The following PCSK9 variants were observed in gnomAD, a reference collection of about 807,000 sequenced individuals.
PCSK9 encodes the protein convertase subtilisin/kexin type 9 preproprotein.
A neutral mutation model predicts 62.1 loss-of-function variants in PCSK9; 57 were observed. That is an observed-to-expected ratio of 0.92 (90% CI 0.74 to 1.14). PCSK9 has a LOEUF of 1.14. PCSK9 is among the 50% of genes most tolerant of loss of function. The probability of loss-of-function intolerance (pLI) is 0.00; values close to 1 mark genes in which losing one functional copy is unlikely to be tolerated. For missense variants in PCSK9, 870 were observed against 959.8 expected (o/e 0.91, Z 1.24); for synonymous variants, 387 against 409.4 (o/e 0.95, Z 0.66).
chr1:55,057,067 T>TG (rs201301220), intron 6 of PCSK9, among the ~76,000 whole-genome samples: 2 of 41,190 alleles, frequency 4.9e-5, no homozygotes, highest in African/African-American at 1.6e-4. Context: ...CCGAATAGTT[T>TG]CCTATCTCCC....
Position 55,064,495 on chromosome 1 carries a change from G to GT in PCSK9, c.*912dup, listed in dbSNP as rs1644786788. On this transcript the variant is annotated 3_prime_UTR_variant, in exon 12 of 12. Transcript: ENST00000302118. Reference sequence around the variant, plus strand: ...CCGGCTGGGCTCCTCATTTTTACGGGTAACAGTGAGGCTGGGAAGGGGAAC... The same window carrying GT: ...CCGGCTGGGCTCCTCATTTTTACGGGTTAACAGTGAGGCTGGGAAGGGGAAC... The GT allele has an allele frequency of 6.6e-6, 1 of 152,274 alleles. No homozygotes were observed. The highest frequency in any genetic ancestry group is 2.4e-5 in the African/African-American group (1 of 41,456). The allele number at this position is 152,274 out of a possible 1,614,324, so 9.4% of individuals were successfully genotyped here.
chr1:55,054,534 C>A (rs900114283), intron 5 of PCSK9, among the ~76,000 whole-genome samples: 3 of 152,218 alleles, frequency 2.0e-5, no homozygotes, highest in Non-Finnish European at 4.4e-5. Flanking sequence ...CCAGCTCCAT[C>A]CTTGGCCACG....
chr1:55,039,551 G>T lies in PCSK9; in HGVS notation c.-287G>T, dbSNP rs72658888. ...CCACACCCTAGAAGGTTTCCGCAGCGACGTCGAGGCGCTCATGGTTGCAGG... is the reference window on the plus strand; with the variant it reads ...CCACACCCTAGAAGGTTTCCGCAGCTACGTCGAGGCGCTCATGGTTGCAGG... On this transcript the variant is annotated 5_prime_UTR_variant, in exon 1 of 12. Transcript: ENST00000302118. 2 of 546,346 alleles carry T rather than the reference G, an allele frequency of 3.7e-6. No individual in the cohort carries two copies. The highest frequency in any genetic ancestry group is 4.4e-5 in the South Asian group (2 of 45,814). The allele number at this position is 546,346 out of a possible 1,614,324, so 33.8% of individuals were successfully genotyped here.
Position 55,046,382 on chromosome 1 carries a change from G to A in PCSK9, c.400-141G>A, listed in dbSNP as rs576552402. 1.8e-5 allele frequency: 23 copies of A among 1,291,962 alleles called. No homozygotes were observed. The East Asian group carries it at 3.9e-4, about 22-fold the overall frequency. 80.0% of individuals were successfully genotyped at this position (1,291,962 alleles called of 1,614,324 possible). ...AACTCAGGCTCCTAGTCTGTCCTCC[G>A]GGGCACTAGCAGGGACAAGGTGGGA... On this transcript the variant is annotated intron_variant, in intron 2 of 11. Coordinates refer to ENST00000302118, the MANE Select transcript of PCSK9 (RefSeq NM_174936.4).
chr1:55,056,457 C>T (rs1384900968), intron 6 of PCSK9, among the ~76,000 whole-genome samples: 1 of 152,174 alleles, frequency 6.6e-6, no homozygotes, highest in Non-Finnish European at 1.5e-5. Flanking sequence ...CCTACGTAGC[C>T]ACGCCCCCAC....
intron 10 of PCSK9, among the ~76,000 whole-genome samples, chr1:55,060,287 A>G (rs1319733157): frequency 6.6e-6 from 1 of 152,220 alleles, no homozygotes; most frequent in Non-Finnish European, 1.5e-5. Flanking sequence ...CTCTTGGGGC[A>G]TCAAGGGATG....
chr1:55,044,070 A>T, intron 2 of PCSK9, 36 bp downstream of exon 2: 1 of 1,609,586 alleles, frequency 6.2e-7, no homozygotes, highest in South Asian at 1.1e-5. Context: ...ACTTCCTGAT[A>T]GGGCTGGGCC....
intron 5 of PCSK9, 104 bp downstream of exon 5, chr1:55,052,895 T>C (rs774131641): frequency 2.1e-4 from 320 of 1,560,260 alleles, no homozygotes; most frequent in Middle Eastern, 8.0e-4. Context: ...CCAAGAATGC[T>C]GTGGCAGCCT....
At chr1:55,056,253 G>A in intron 6 of PCSK9, 64 bp downstream of exon 6, 1 of 1,039,596 alleles carries the variant, frequency 9.6e-7, no homozygotes, top group Non-Finnish European at 1.3e-6. Context: ...GCGGAGGGAG[G>A]GCGGGCGGGC....
chr1:55,057,153 C>T (rs538886648), intron 6 of PCSK9, among the ~76,000 whole-genome samples, 178 bp from the exon 7 acceptor site: 25 of 152,304 alleles, frequency 1.6e-4, no homozygotes, highest in South Asian at 2.1e-4. Flanking sequence ...AGCACCAGGG[C>T]GGGGCAGGGG....
chr1:55,059,343 G>C (rs952001276), intron 9 of PCSK9, 143 bp from the exon 10 acceptor site: 5 of 1,029,914 alleles, frequency 4.9e-6, no homozygotes, highest in Non-Finnish European at 7.4e-6. Flanking sequence ...GCAGGAGTGA[G>C]CTCCTTGTCC....
intron 5 of PCSK9, among the ~76,000 whole-genome samples, chr1:55,055,385 T>A (rs1644707005): frequency 6.6e-6 from 1 of 151,846 alleles, no homozygotes; most frequent in South Asian, 2.1e-4. Context: ...TCTTGGTGCC[T>A]CTCTTTCATG....
At chr1:55,045,624 G>A (rs1304987442) in intron 2 of PCSK9, among the ~76,000 whole-genome samples, 1 of 152,096 alleles carries the variant, frequency 6.6e-6, no homozygotes, top group Non-Finnish European at 1.5e-5. Flanking sequence ...CTGCCTGTGG[G>A]GAATCACCCG....
intron 3 of PCSK9, among the ~76,000 whole-genome samples, chr1:55,049,627 G>A (rs1034257000): frequency 6.6e-6 from 1 of 152,208 alleles, no homozygotes; most frequent in Non-Finnish European, 1.5e-5. Flanking sequence ...TCTCATCCGA[G>A]CTGGGCCCCT....
At position 55,052,706 on chromosome 1, in the gene PCSK9, T is replaced by C. The variant is rs1300943486; in HGVS notation, c.714T>C (p.Asp238=). ...THLAGVVSGR[D]AGVAKGASMR... ...TGGCAGGGGTGGTCAGCGGCCGGGA[T>C]GCCGGCGTGGCCAAGGGTGCCAGCA... The change falls in exon 5 of 12, where the codon GAT becomes GAC. Residue 238 remains aspartate, a synonymous_variant. Transcript: ENST00000302118. 2 of 1,613,138 alleles carry C rather than the reference T, an allele frequency of 1.2e-6. No individual in the cohort carries two copies.
intron 11 of PCSK9, among the ~76,000 whole-genome samples, chr1:55,063,134 G>C (rs10465832): frequency 0.15 from 22,494 of 152,100 alleles, 2,598 homozygotes; most frequent in African/African-American, 0.33. Flanking sequence ...TATCTCCACG[G>C]CCCTCAAACC....
chr1:55,043,731 A>G (rs1253903286), intron 1 of PCSK9, 112 bp from the exon 2 acceptor site: 5 of 1,293,718 alleles, frequency 3.9e-6, no homozygotes, highest in Middle Eastern at 2.6e-4. Context: ...ATCATCTACT[A>G]TACTCTGTTG....
chr1:55,061,386 C>T lies in PCSK9; in HGVS notation c.1693C>T (p.His565Tyr). 7 of 1,608,478 alleles carry T rather than the reference C, an allele frequency of 4.4e-6. 1 individual carries two copies. In the East Asian group the frequency reaches 1.6e-4, roughly 36 times the overall value. ...TTCCTCTGCCCCAGGCTGCAGCTCC[C>T]ACTGGGAGGTGGAGGACCTTGGCAC... ...QGHVLTGCSSHWEVEDLGTHK... is the reference protein window; with the variant it reads ...QGHVLTGCSSYWEVEDLGTHK... Residue 565 changes from histidine to tyrosine, a missense_variant, in exon 11 of 12, where the codon CAC becomes TAC. His to Tyr is a moderately conservative substitution (Grantham distance 83). Transcript: ENST00000302118.
At chr1:55,050,429 G>A (rs1272321089) in intron 3 of PCSK9, among the ~76,000 whole-genome samples, 2 of 152,220 alleles carry the variant, frequency 1.3e-5, no homozygotes, top group Non-Finnish European at 2.9e-5. Context: ...CCTTCCCAGT[G>A]TAGCACCGGG....
Sources: gnomAD v4.1 joint callset for allele counts (sites outside exome capture counted in the v4.1 genomes callset) on GRCh38, gnomAD v4.1.1 for gene constraint, MANE v1.5 for transcripts, NCBI Gene and HGNC (gene_info 2026-07-23, HGNC 2026-07-21) for gene names.